The following JUP variants were observed in gnomAD, a reference collection of about 807,000 sequenced individuals.
JUP encodes junction plakoglobin.
A neutral mutation model predicts 71.1 loss-of-function variants in JUP; 28 were observed. The observed-to-expected ratio is 0.39, with a 90% confidence interval of 0.29 to 0.54. JUP has a LOEUF of 0.54. Ranked by LOEUF, JUP falls within the 20% of genes least tolerant of loss-of-function variation. The probability of loss-of-function intolerance (pLI) is 0.62; values close to 1 mark genes in which losing one functional copy is unlikely to be tolerated. For synonymous variants in JUP, 401 were observed against 438.9 expected (o/e 0.91, Z 1.08); for missense variants, 869 against 1,030.1 (o/e 0.84, Z 2.14).
At chr17:41,774,857 C>T (rs1597845808) in intron 1 of JUP, among the ~76,000 whole-genome samples, 1 of 151,746 alleles carries the variant, frequency 6.6e-6, no homozygotes, top group Non-Finnish European at 1.5e-5. Context: ...AATCCCAGCA[C>T]TTTGGGAGGC....
chr17:41,781,184 CAA>C (rs781830763), intron 1 of JUP, among the ~76,000 whole-genome samples: 9 of 61,634 alleles, frequency 1.5e-4, no homozygotes, highest in Admixed American at 5.6e-4. Flanking sequence ...GACTCCGTCT[CAA>C]AAAAAAAAAA....
rs1244473848 is a variant in JUP at position 41,757,428 on chromosome 17, G to A, written c.2033C>T (p.Ala678Val). 1 of 1,614,118 alleles carries A rather than the reference G, an allele frequency of 6.2e-7. No individual in the cohort carries two copies. Among genetic ancestry groups the A allele is most frequent in the Non-Finnish European group, 8.5e-7 (1 of 1,180,046 alleles). ...TAGGATACTCACAGCCTCCCAGGCA[G>A]CCGGGTCATGCTTGAAGAGGGAGTT... ...LTNSLFKHDP[A>V]AWEAAQSMIP... is the part of the protein sequence containing the mutation. Residue 678 changes from alanine to valine, a missense_variant, in exon 12 of 14, where the codon GCT becomes GTT. Coordinates refer to ENST00000393931, the MANE Select transcript of JUP (RefSeq NM_002230.4).
intron 1 of JUP, chr17:41,775,892 G>A (rs1490167475): frequency 4.8e-5 from 39 of 819,344 alleles, no homozygotes; most frequent in Non-Finnish European, 5.3e-5. Flanking sequence ...AGCCAACCCA[G>A]AGGGCTGGCA....
In JUP at chr17:41,765,129, CG is replaced by C; in HGVS notation, c.910-63del. The C allele has an allele frequency of 1.8e-5, 27 of 1,521,720 alleles. No individual in the cohort carries two copies. In the South Asian group the frequency reaches 3.1e-4, roughly 17 times the overall value. 94.3% of individuals were successfully genotyped at this position (1,521,720 alleles called of 1,614,324 possible). On this transcript the variant is annotated intron_variant, in intron 5 of 13. Coordinates refer to ENST00000393931, the MANE Select transcript of JUP (RefSeq NM_002230.4). Reference sequence around the variant, plus strand: ...GGAATATGACAGGAACAAGGAAGCGCGGGACAGGAGACAGAACTGTCATTAC... The same window carrying C: ...GGAATATGACAGGAACAAGGAAGCGCGGACAGGAGACAGAACTGTCATTAC...
chr17:41,771,420 C>G (rs1916629787), intron 2 of JUP: 3 of 598,232 alleles, frequency 5.0e-6, no homozygotes, highest in South Asian at 2.0e-5. Context: ...ACTATGCCTT[C>G]CCTCCCTACT....
intron 1 of JUP, chr17:41,776,010 C>T (rs2046868154): frequency 1.0e-6 from 1 of 985,224 alleles, no homozygotes; most frequent in Non-Finnish European, 1.2e-6. Context: ...CGGCACCTGC[C>T]AAGGACAGTC....
At chr17:41,785,034 C>T (rs1555611375) in intron 1 of JUP, 3 of 152,036 alleles carry the variant, frequency 2.0e-5, no homozygotes, top group African/African-American at 7.2e-5. Flanking sequence ...GCAGCTCTGC[C>T]TGAGAGAGTC....
Position 41,779,892 on chromosome 17 carries a change from T to C in JUP, c.-9+6696A>G, listed in dbSNP as rs528260989. The stretch of plus-strand genomic sequence containing the variant: ...TATGTTGCACAGGCTGGCAGGCTGG[T>C]CTCAAAGTCCCGGCCTCAAGCAATC... On this transcript the variant is annotated intron_variant, in intron 1 of 13. Transcript: ENST00000393931. Among the ~76,000 whole-genome samples the C allele has an allele frequency of 3.3e-5, 5 of 150,700 alleles. No individual in the cohort carries two copies. The East Asian group carries it at 9.9e-4, about 30-fold the overall frequency.
intron 8 of JUP, among the ~76,000 whole-genome samples, chr17:41,762,174 A>AGTGT (rs1914984789): frequency 4.7e-5 from 2 of 42,354 alleles, no homozygotes; most frequent in African/African-American, 1.8e-4. Context: ...AGAGAGAGAG[A>AGTGT]GAGTGTGTGT....
At chr17:41,762,158 A>AGTGT (rs1914939625) in intron 8 of JUP, among the ~76,000 whole-genome samples, 6 of 115,552 alleles carry the variant, frequency 5.2e-5, no homozygotes, top group African/African-American at 1.9e-4. Flanking sequence ...AGAGAGAGAG[A>AGTGT]GAGAGAGAGA....
chr17:41,782,409 G>A (rs1597868340), intron 1 of JUP, among the ~76,000 whole-genome samples: 1 of 152,130 alleles, frequency 6.6e-6, no homozygotes, highest in East Asian at 1.9e-4. Context: ...GGCCTAAATC[G>A]GACTCTCGTT....
At position 41,771,693 on chromosome 17, in the gene JUP, C is replaced by G. The variant is rs377681053; in HGVS notation, c.162G>C (p.Thr54=). 9 of 1,613,950 alleles carry G rather than the reference C, an allele frequency of 5.6e-6. No individual in the cohort carries two copies. The African/African-American group carries it at 1.2e-4, about 22-fold the overall frequency. Residue 54 remains threonine (T), a synonymous_variant, in exon 2 of 14, where the codon ACG becomes ACC. Coordinates refer to ENST00000393931, the MANE Select transcript of JUP (RefSeq NM_002230.4). ...EEDEACGRQY[T]LKKTTTYTQG... is the part of the protein sequence containing the mutation. ...GGGTGTAAGTGGTGGTTTTCTTGAG[C>G]GTGTACTGGCGCCCGCAGGCCTCAT... is the stretch of plus-strand genomic sequence containing the variant.
In JUP at chr17:41,756,708, T is replaced by A. The variant is rs118083257; in HGVS notation, c.2047-494A>T. Among the ~76,000 whole-genome samples, 107 of 152,298 alleles carry A rather than the reference T, an allele frequency of 7.0e-4. 1 individual carries two copies. In the East Asian group the frequency reaches 0.019, roughly 27 times the overall value. Reference sequence around the variant, plus strand: ...GGTCAGGAGACAATCGAGATCATCCTGGCCAACATGGCGAAACCGCGTCTC... The same window carrying A: ...GGTCAGGAGACAATCGAGATCATCCAGGCCAACATGGCGAAACCGCGTCTC... On this transcript the variant is annotated intron_variant, in intron 12 of 13. Transcript: ENST00000393931.
intron 1 of JUP, chr17:41,776,025 A>G (rs1343365081): frequency 2.0e-6 from 2 of 983,996 alleles, no homozygotes; most frequent in Non-Finnish European, 2.4e-6. Flanking sequence ...ACAGTCAGCA[A>G]TGGGCACATC....
intron 10 of JUP, 28 bp downstream of exon 10, chr17:41,758,371 C>T (rs373684603): frequency 1.9e-6 from 3 of 1,611,814 alleles, no homozygotes; most frequent in Non-Finnish European, 2.5e-6. Flanking sequence ...GTGGGGGGAC[C>T]TCTCCTGCCC....
chr17:41,784,777 T>C (rs2047365702), intron 1 of JUP, among the ~76,000 whole-genome samples: 1 of 152,102 alleles, frequency 6.6e-6, no homozygotes, highest in South Asian at 2.1e-4. Context: ...GGTGGTAGAC[T>C]CTTCCCCTCC....
intron 2 of JUP, among the ~76,000 whole-genome samples, chr17:41,770,718 G>C (rs558993092): frequency 4.3e-4 from 66 of 152,366 alleles, no homozygotes; most frequent in Admixed American, 9.8e-4. Flanking sequence ...CTCTCCCAGA[G>C]GGGCAGGGGA....
intron 8 of JUP, 66 bp from the exon 9 acceptor site, chr17:41,758,936 CT>C (rs1215293892): frequency 2.0e-6 from 3 of 1,499,748 alleles, no homozygotes; most frequent in Non-Finnish European, 2.7e-6. Context: ...AGCTTCCCAG[CT>C]TCAAGTATCC....
intron 1 of JUP, among the ~76,000 whole-genome samples, chr17:41,780,268 C>T (rs1050411207): frequency 6.6e-6 from 1 of 151,972 alleles, no homozygotes; most frequent in African/African-American, 2.4e-5. Flanking sequence ...CATGGTGGTG[C>T]ACACCTGTGG....
Sources: allele counts gnomAD v4.1 joint callset (sites outside exome capture counted in the v4.1 genomes callset), GRCh38; gene constraint gnomAD v4.1.1; transcripts MANE v1.5; gene names NCBI Gene and HGNC (gene_info 2026-07-23, HGNC 2026-07-21).